Variants in TPX2 observed in about 807,000 individuals in gnomAD.
TPX2 encodes TPX2 microtubule nucleation factor.
Under a neutral mutation model 93.6 loss-of-function variants are expected in TPX2, and 21 were observed. The observed-to-expected ratio is 0.22, with a 90% CI of 0.16 to 0.32. The LOEUF (loss-of-function observed/expected upper bound fraction) is 0.32. Among genes scored for constraint, TPX2 ranks in the 10% least tolerant of loss-of-function variants. TPX2 has a pLI of 1.00. For missense variants in TPX2, 776 were observed against 871.1 expected (o/e 0.89, Z 1.37); for synonymous variants, 281 against 298.3 (o/e 0.94, Z 0.60).
intron 6 of TPX2, 40 bp downstream of exon 6, chr20:31,770,511 T>C (rs1255196949): frequency 2.0e-6 from 3 of 1,494,834 alleles, no homozygotes; most frequent in Non-Finnish European, 1.8e-6. Context: ...GGCAGACATA[T>C]TGTACCTTGT....
chr20:31,790,721 C>G (rs1423519459), intron 12 of TPX2, among the ~76,000 whole-genome samples: 2 of 152,152 alleles, frequency 1.3e-5, no homozygotes, highest in African/African-American at 2.4e-5. Context: ...TGCATTCATT[C>G]AACAAACATT....
At chr20:31,757,682 A>G (rs2061860608) in intron 3 of TPX2, 100 bp downstream of exon 3, 1 of 854,040 alleles carries the variant, frequency 1.2e-6, no homozygotes. Context: ...GAACTAAAAT[A>G]TCAACTTCTT....
chr20:31,782,889 TACACACACACACAC>T lies in TPX2; in HGVS notation c.1196+529_1196+542del, dbSNP rs71926112. On this transcript the variant is annotated intron_variant, in intron 11 of 17. Coordinates refer to ENST00000300403, the MANE Select transcript of TPX2 (RefSeq NM_012112.5). ...CGAGACTGTCTTGCACATACACACA[TACACACACACACAC>T]ACACACACACACACACACACACACA... is the stretch of plus-strand genomic sequence containing the variant. 6.2e-4 allele frequency among the ~76,000 whole-genome samples: 89 copies of T among 142,752 alleles called. 1 individual carries two copies. Among genetic ancestry groups the T allele is most frequent in the African/African-American group, 1.9e-3 (73 of 38,370 alleles). The allele number at this position is 142,752 out of a possible 152,430, so 93.7% of individuals were successfully genotyped here.
chr20:31,759,364 C>A (rs915913228), intron 3 of TPX2, among the ~76,000 whole-genome samples: 1 of 151,476 alleles, frequency 6.6e-6, no homozygotes, highest in Non-Finnish European at 1.5e-5. Flanking sequence ...TCTTGTAAGC[C>A]CTACAGTTTT....
At chr20:31,744,410 G>T (rs973930756) in intron 2 of TPX2, among the ~76,000 whole-genome samples, 2 of 151,502 alleles carry the variant, frequency 1.3e-5, no homozygotes, top group Non-Finnish European at 2.9e-5. Flanking sequence ...TGCCCACCTC[G>T]GCCTCCCAAA....
chr20:31,739,812 C>A (rs1156607816), intron 1 of TPX2, among the ~76,000 whole-genome samples, 191 bp downstream of exon 1: 1 of 152,090 alleles, frequency 6.6e-6, no homozygotes, highest in African/African-American at 2.4e-5. Flanking sequence ...AGATAAATTT[C>A]GAGAAATGGG....
intron 10 of TPX2, among the ~76,000 whole-genome samples, chr20:31,779,259 A>AT (rs1390228697): frequency 8.5e-5 from 13 of 152,156 alleles, no homozygotes; most frequent in Non-Finnish European, 1.9e-4. Context: ...CTTAACGGAC[A>AT]TTTTTTTGCC....
In TPX2 at chr20:31,798,433, C is replaced by G; in HGVS notation, c.2014C>G (p.Gln672Glu). Residue 672 changes from glutamine to glutamate, a missense_variant, in exon 17 of 18, where the codon CAG becomes GAG. Gln to Glu is a conservative substitution (Grantham distance 29, BLOSUM62 2). Around this residue, in one of 3 missense-constraint regions of TPX2, gnomAD observed 461 missense variants for 551.2 expected, o/e 0.84. Transcript: ENST00000300403. The part of the protein sequence containing the change: ...LATEKRAKER[Q>E]ELEKRMAEVE... Reference sequence around the variant, plus strand: ...TACTGAGAAGAGAGCCAAAGAGCGGCAGGAGCTGGAGAAGAGAATGGCTGA... The same window carrying G: ...TACTGAGAAGAGAGCCAAAGAGCGGGAGGAGCTGGAGAAGAGAATGGCTGA... 9 of 1,614,074 alleles carry G rather than the reference C, an allele frequency of 5.6e-6. No homozygotes were observed. The highest frequency in any genetic ancestry group is 7.6e-6 in the Non-Finnish European group (9 of 1,180,040).
At chr20:31,800,463 T>A (rs2062163987) in intron 17 of TPX2, among the ~76,000 whole-genome samples, 1 of 152,214 alleles carries the variant, frequency 6.6e-6, no homozygotes, top group Non-Finnish European at 1.5e-5. Flanking sequence ...TAGGATTGAT[T>A]TTAGACTACC....
intron 12 of TPX2, among the ~76,000 whole-genome samples, chr20:31,785,901 A>G (rs1157899553): frequency 6.6e-6 from 1 of 152,122 alleles, no homozygotes; most frequent in Non-Finnish European, 1.5e-5. Context: ...ATATCCTTGT[A>G]CCTTACATAC....
intron 2 of TPX2, among the ~76,000 whole-genome samples, chr20:31,744,657 C>T (rs1308856728): frequency 6.6e-6 from 1 of 152,052 alleles, no homozygotes; most frequent in Non-Finnish European, 1.5e-5. Flanking sequence ...CTTAGCCTCT[C>T]GAGTTGCTGA....
At chr20:31,794,344 G>A in intron 14 of TPX2, 58 bp from the exon 15 acceptor site, 1 of 1,570,120 alleles carries the variant, frequency 6.4e-7, no homozygotes, top group Non-Finnish European at 8.6e-7. Flanking sequence ...ATATTCTGGA[G>A]CAGCTATTGC....
rs2062037533 is a variant in TPX2 at position 31,782,209 on chromosome 20, C to T, written c.1055-40C>T. 3 of 1,575,122 alleles carry T rather than the reference C, an allele frequency of 1.9e-6. No homozygotes were observed. The East Asian group carries it at 6.8e-5, about 36-fold the overall frequency. On this transcript the variant is annotated intron_variant, in intron 10 of 17. Coordinates refer to ENST00000300403, the MANE Select transcript of TPX2 (RefSeq NM_012112.5). Reference sequence around the variant, plus strand: ...ATCACCACTTACAAGTAAACTGGGTCTTGCGGATCTAGATGAACATCTGTC... The same window carrying T: ...ATCACCACTTACAAGTAAACTGGGTTTTGCGGATCTAGATGAACATCTGTC...
chr20:31,794,921 C>T (rs1026478979), intron 15 of TPX2, among the ~76,000 whole-genome samples: 3 of 149,438 alleles, frequency 2.0e-5, no homozygotes, highest in East Asian at 2.0e-4. Flanking sequence ...CCTGGGTTCA[C>T]GCCAGTCTCC....
At chr20:31,754,419 G>C (rs986054204) in intron 2 of TPX2, among the ~76,000 whole-genome samples, 2 of 152,200 alleles carry the variant, frequency 1.3e-5, no homozygotes, top group Non-Finnish European at 2.9e-5. Flanking sequence ...ACTGAGAGAA[G>C]CTGTGAAATG....
At chr20:31,786,400 G>GTTT (rs369303743) in intron 12 of TPX2, among the ~76,000 whole-genome samples, 4 of 89,340 alleles carry the variant, frequency 4.5e-5, no homozygotes, top group African/African-American at 1.3e-4. Flanking sequence ...CTGAACTACT[G>GTTT]TTTTTTTTTT....
intron 5 of TPX2, among the ~76,000 whole-genome samples, chr20:31,768,392 C>T (rs930450250): frequency 8.7e-5 from 13 of 150,280 alleles, no homozygotes; most frequent in South Asian, 8.4e-4. Context: ...CCCGCCACTA[C>T]GCGCGGCTAA....
chr20:31,785,738 TC>T (rs1167360428), intron 12 of TPX2, among the ~76,000 whole-genome samples: 1 of 152,188 alleles, frequency 6.6e-6, no homozygotes, highest in Non-Finnish European at 1.5e-5. Context: ...CCTCAGGTGA[TC>T]CACCCGCCTT....
intron 2 of TPX2, among the ~76,000 whole-genome samples, chr20:31,753,041 A>G (rs746042140): frequency 1.5e-4 from 23 of 152,212 alleles, no homozygotes; most frequent in Admixed American, 2.6e-4. Flanking sequence ...CAAAAAGCTT[A>G]TTGAGTTAAG....
Sources: gnomAD v4.1 joint callset for allele counts (sites outside exome capture counted in the v4.1 genomes callset) on GRCh38, gnomAD v4.1.1 for gene constraint, gnomAD v4.1.1 regional missense constraint, MANE v1.5 for transcripts, NCBI Gene and HGNC (gene_info 2026-07-23, HGNC 2026-07-21) for gene names.